The following SF3B3 variants were observed in gnomAD, a reference collection of about 807,000 sequenced individuals.
SF3B3 encodes splicing factor 3b subunit 3.
In SF3B3, 33 loss-of-function variants were observed where a neutral mutation model predicts 139.2. That is an observed-to-expected ratio of 0.24 (90% CI 0.18 to 0.32). The LOEUF (loss-of-function observed/expected upper bound fraction) is 0.32, where lower values mean the gene tolerates loss of function less well. Among genes scored for constraint, SF3B3 ranks in the 10% least tolerant of loss-of-function variants. SF3B3 has a pLI of 1.00. For missense variants in SF3B3, 818 were observed against 1,509.4 expected (o/e 0.54, Z 7.59); for synonymous variants, 596 against 563.6 (o/e 1.06, Z -0.81).
rs530041911 is a variant in SF3B3 at position 70,544,681 on chromosome 16, A to G, written c.1329+148A>G. 3 of 598,894 alleles carry G rather than the reference A, an allele frequency of 5.0e-6. No homozygotes were observed. The East Asian group carries it at 8.6e-5, about 17-fold the overall frequency. The allele number at this position is 598,894 out of a possible 1,614,324, so 37.1% of individuals were successfully genotyped here. A position where few individuals can be genotyped will look rare whatever the true frequency, so the allele number is the denominator to read the frequency against. On this transcript the variant is annotated intron_variant, in intron 10 of 25. Transcript: ENST00000302516. Reference sequence around the variant, plus strand: ...TCTCCCTGACTTCCCCGAAGTTTATACTTCAGATTTTCTTTCTTTTTGTCT... The same window carrying G: ...TCTCCCTGACTTCCCCGAAGTTTATGCTTCAGATTTTCTTTCTTTTTGTCT...
At chr16:70,563,075 C>A (rs187506702) in intron 17 of SF3B3, among the ~76,000 whole-genome samples, 84 of 152,286 alleles carry the variant, frequency 5.5e-4, no homozygotes, top group African/African-American at 1.9e-3. Context: ...TCAAGAGATT[C>A]TCCCACCTCA....
intron 1 of SF3B3, chr16:70,524,682 C>A (rs752777318): frequency 6.6e-6 from 1 of 150,834 alleles, no homozygotes; most frequent in Non-Finnish European, 1.5e-5. Context: ...CCACGCCCGG[C>A]TAATTTTTCT....
In SF3B3 at chr16:70,565,502, A is replaced by G. The variant is rs2050467202; in HGVS notation, c.2804A>G (p.Glu935Gly). 6.2e-7 allele frequency: 1 copy of G among 1,613,722 alleles called. No homozygotes were observed. The highest frequency in any genetic ancestry group is 1.3e-5 in the African/African-American group (1 of 74,878). The change falls in exon 20 of 26, where the codon GAA becomes GGA. Residue 935 changes from glutamate to glycine, a missense_variant. Glu to Gly is a moderately conservative substitution (Grantham distance 98). Coordinates refer to ENST00000302516, the MANE Select transcript of SF3B3 (RefSeq NM_012426.5). ...ACTTACAAGCTTGTGAACAATGGGG[A>G]AAAACTGGAGTTTTTGCACAAGGTA... The part of the protein sequence containing the change: ...VYTYKLVNNG[E>G]KLEFLHKTPV...
intron 5 of SF3B3, among the ~76,000 whole-genome samples, chr16:70,533,215 C>T (rs1054321692): frequency 6.6e-6 from 1 of 152,072 alleles, no homozygotes; most frequent in African/African-American, 2.4e-5. Context: ...CTCGGCTGGG[C>T]ATGGTGGCTC....
At chr16:70,526,524 C>T (rs1567407111) in intron 1 of SF3B3, 63 bp from the exon 2 acceptor site, 1 of 627,866 alleles carries the variant, frequency 1.6e-6, no homozygotes, top group Non-Finnish European at 2.8e-6. Flanking sequence ...CAGAATTTCC[C>T]ATACAGAAAT....
intron 25 of SF3B3, 33 bp from the exon 26 acceptor site, chr16:70,571,640 A>ATT (rs753601130): frequency 1.9e-6 from 3 of 1,588,040 alleles, no homozygotes; most frequent in East Asian, 4.5e-5. Flanking sequence ...GCATCTCACC[A>ATT]TTTTTTTTCT....
intron 8 of SF3B3, among the ~76,000 whole-genome samples, chr16:70,539,419 G>T (rs1481282678): frequency 6.6e-6 from 1 of 152,030 alleles, no homozygotes. Context: ...ATGGTGGCGG[G>T]CACCTGTAAT....
chr16:70,558,431 T>C (rs915785679), intron 15 of SF3B3, among the ~76,000 whole-genome samples: 3 of 152,170 alleles, frequency 2.0e-5, no homozygotes, highest in African/African-American at 7.2e-5. Context: ...TTTTAATGTT[T>C]TATTAACTCT....
At position 70,538,335 on chromosome 16, in the gene SF3B3, G is replaced by T; in HGVS notation, c.838G>T (p.Asp280Tyr). The change falls in exon 7 of 26, where the codon GAC becomes TAC. Residue 280 changes from aspartate (D) to tyrosine (Y), a missense_variant. Around this residue, in one of 14 missense-constraint regions of SF3B3, gnomAD observed 80 missense variants for 206.5 expected, o/e 0.39. Coordinates refer to ENST00000302516, the MANE Select transcript of SF3B3 (RefSeq NM_012426.5). ...TTGACTTTGCTAGAATGACCTGGAT[G>T]ACCCTGAAAGAGGAATGATTTTTGT... ...PIPRRRNDLD[D>Y]PERGMIFVCS... 1.9e-6 allele frequency: 3 copies of T among 1,613,872 alleles called. No homozygotes were observed. In the South Asian group the frequency reaches 3.3e-5, roughly 18 times the overall value.
At chr16:70,561,590 C>A (rs754256463) in intron 16 of SF3B3, 40 bp from the exon 17 acceptor site, 1 of 1,596,166 alleles carries the variant, frequency 6.3e-7, no homozygotes, top group Non-Finnish European at 8.5e-7. Flanking sequence ...TGTATTTTTT[C>A]CCAAACCTTA....
At chr16:70,556,738 A>T in intron 14 of SF3B3, 148 bp from the exon 15 acceptor site, 1 of 751,714 alleles carries the variant, frequency 1.3e-6, no homozygotes, top group East Asian at 2.7e-5. Flanking sequence ...TGTAACTAAT[A>T]ACTCAGTACT....
At chr16:70,548,215 G>A (rs1295020826) in intron 10 of SF3B3, among the ~76,000 whole-genome samples, 155 bp from the exon 11 acceptor site, 1 of 152,182 alleles carries the variant, frequency 6.6e-6, no homozygotes, top group Admixed American at 6.5e-5. Flanking sequence ...CAGCCTGTTT[G>A]GTTCTTAGAT....
chr16:70,555,244 G>A (rs753556868), intron 13 of SF3B3, 38 bp downstream of exon 13: 2 of 1,564,600 alleles, frequency 1.3e-6, no homozygotes, highest in Non-Finnish European at 1.8e-6. Flanking sequence ...ACTTATTGTA[G>A]GGACCAGAGG....
Position 70,574,966 on chromosome 16 carries a change from C to T in SF3B3, c.*3153C>T, listed in dbSNP as rs1429442296. ...CTCTGCTGCTGAAATCAAACCTGGT[C>T]CAAAAAACGTCACAACGGAGGAAAG... On this transcript the variant is annotated 3_prime_UTR_variant, in exon 26 of 26. Transcript: ENST00000302516. 6.6e-6 allele frequency: 1 copy of T among 152,108 alleles called. No individual in the cohort carries two copies. Among genetic ancestry groups the T allele is most frequent in the African/African-American group, 2.4e-5 (1 of 41,416 alleles). The allele number at this position is 152,108 out of a possible 1,614,324, so 9.4% of individuals were successfully genotyped here.
Position 70,569,072 on chromosome 16 carries a change from A to G in SF3B3, c.3195A>G (p.Glu1065=), listed in dbSNP as rs765140242. ...GGCTCCCACCTAACACCAATGATGA[A>G]GTAGATGAGGATCCTACAGGAAACA... The part of the protein sequence containing the change: ...VVRLPPNTND[E]VDEDPTGNKA... Residue 1065 remains glutamate (E), a synonymous_variant, in exon 23 of 26, where the codon GAA becomes GAG. Coordinates refer to ENST00000302516, the MANE Select transcript of SF3B3 (RefSeq NM_012426.5). 9.3e-6 allele frequency: 15 copies of G among 1,611,406 alleles called. No individual in the cohort carries two copies. Among genetic ancestry groups the G allele is most frequent in the African/African-American group, 1.3e-5 (1 of 74,988 alleles).
chr16:70,531,067 C>G (rs1314146624), intron 4 of SF3B3, 150 bp downstream of exon 4: 5 of 675,182 alleles, frequency 7.4e-6, no homozygotes, highest in Non-Finnish European at 1.0e-5. Flanking sequence ...GAGATCGAGA[C>G]CATTCTGGCT....
chr16:70,532,018 G>A (rs1257992536), intron 4 of SF3B3, among the ~76,000 whole-genome samples: 3 of 152,206 alleles, frequency 2.0e-5, no homozygotes, highest in South Asian at 2.1e-4. Context: ...CACTGCAGTC[G>A]TGTACAGTGG....
chr16:70,525,120 CCTT>C, intron 1 of SF3B3: 1 of 151,944 alleles, frequency 6.6e-6, no homozygotes, highest in Non-Finnish European at 1.5e-5. Context: ...GCCTCCTCCT[CCTT>C]GGTTCTAGCT....
chr16:70,548,571 CA>C (rs2050290862), intron 11 of SF3B3, 129 bp downstream of exon 11: 1 of 765,104 alleles, frequency 1.3e-6, no homozygotes, highest in South Asian at 1.7e-5. Context: ...CTTTCTGGCC[CA>C]ACACTGTTTT....
Sources: gnomAD v4.1 joint callset for allele counts (sites outside exome capture counted in the v4.1 genomes callset) on GRCh38, gnomAD v4.1.1 for gene constraint, gnomAD v4.1.1 regional missense constraint, MANE v1.5 for transcripts, NCBI Gene and HGNC (gene_info 2026-07-23, HGNC 2026-07-21) for gene names.